The following KLF8 variants were observed in gnomAD, a reference collection of about 807,000 sequenced individuals.
KLF8 encodes the protein Krueppel-like factor 8.
A neutral mutation model predicts 18.2 loss-of-function variants in KLF8; 10 were observed. That is an observed-to-expected ratio of 0.55 (90% CI 0.34 to 0.93). The LOEUF (loss-of-function observed/expected upper bound fraction) is 0.93, where lower values mean the gene tolerates loss of function less well. KLF8 is among the 40% of genes least tolerant of loss of function. KLF8 has a pLI of 0.02. For missense variants in KLF8, 264 were observed against 277.9 expected (o/e 0.95, Z 0.36); for synonymous variants, 109 against 97.3 (o/e 1.12, Z -0.71).
At chrX:55,981,610 G>A in the KLF8 span, among the ~76,000 whole-genome samples, 1 of 111,894 alleles carries the variant, frequency 8.9e-6, no homozygotes, top group South Asian at 3.8e-4. Flanking sequence ...TTTCTAGTAA[G>A]GTAAACAAGG....
the KLF8 span, among the ~76,000 whole-genome samples, chrX:56,117,507 A>C: frequency 9.0e-6 from 1 of 111,517 alleles, no homozygotes. Flanking sequence ...TGGGGGAAAA[A>C]AAAACAGAAA....
At chrX:55,969,079 C>A in the KLF8 span, among the ~76,000 whole-genome samples, 1 of 111,873 alleles carries the variant, frequency 8.9e-6, no homozygotes, top group South Asian at 3.7e-4. Flanking sequence ...GAACATTGGA[C>A]TTAATCTGGA....
chrX:56,065,008 G>A, the KLF8 span, among the ~76,000 whole-genome samples: 4 of 111,278 alleles, frequency 3.6e-5, no homozygotes, highest in Non-Finnish European at 5.7e-5. Context: ...GTGCATTTTT[G>A]GGGGTTTTTA....
the KLF8 span, among the ~76,000 whole-genome samples, chrX:56,097,050 TC>T: frequency 9.0e-6 from 1 of 111,074 alleles, no homozygotes; most frequent in Non-Finnish European, 1.9e-5. Flanking sequence ...TGCAAAAATT[TC>T]CCCAAAATAT....
At chrX:56,066,707 C>A in the KLF8 span, among the ~76,000 whole-genome samples, 1 of 111,239 alleles carries the variant, frequency 9.0e-6, no homozygotes, top group African/African-American at 3.3e-5. Context: ...ATCAATTAGG[C>A]TCCAAGGATG....
chrX:56,203,689 T>G, the KLF8 span, among the ~76,000 whole-genome samples: 1 of 112,086 alleles, frequency 8.9e-6, no homozygotes, highest in East Asian at 2.8e-4. Context: ...GATGGTCCAT[T>G]CCCCAATGTA....
At chrX:55,941,821 C>T in the KLF8 span, among the ~76,000 whole-genome samples, 1 of 111,682 alleles carries the variant, frequency 9.0e-6, no homozygotes, top group Non-Finnish European at 1.9e-5. Context: ...AATGAAATAC[C>T]ATCTCACACC....
At chrX:56,228,295 T>C (rs2066381918), upstream of KLF8, among the ~76,000 whole-genome samples, 1 of 111,923 alleles carries the variant, frequency 8.9e-6, no homozygotes, top group African/African-American at 3.3e-5. Flanking sequence ...TGCCAGACAC[T>C]GTGCTTTGTA....
the KLF8 span, among the ~76,000 whole-genome samples, chrX:56,028,065 G>A: frequency 1.8e-5 from 2 of 112,321 alleles, no homozygotes; most frequent in African/African-American, 6.5e-5. Context: ...TAGCTGTTTT[G>A]AGAGGTAGGC....
the KLF8 span, among the ~76,000 whole-genome samples, chrX:56,100,163 C>T: frequency 1.8e-5 from 2 of 111,086 alleles, no homozygotes; most frequent in Non-Finnish European, 3.8e-5. Flanking sequence ...AACCCAAGGG[C>T]TCTTAAGAAT....
At chrX:56,060,880 T>G in the KLF8 span, among the ~76,000 whole-genome samples, 1 of 111,819 alleles carries the variant, frequency 8.9e-6, no homozygotes, top group Admixed American at 9.5e-5. Flanking sequence ...AACTTGTTAT[T>G]GGTGTATTCA....
chrX:56,269,138 A>C, intron 3 of KLF8: 1 of 969,049 alleles, frequency 1.0e-6, no homozygotes, highest in Non-Finnish European at 1.3e-6. Context: ...TCATAGTGGT[A>C]TCAGAACTCT....
At chrX:55,999,828 G>A in the KLF8 span, among the ~76,000 whole-genome samples, 2 of 111,632 alleles carry the variant, frequency 1.8e-5, no homozygotes, top group South Asian at 3.8e-4. Flanking sequence ...TTCCTATTTG[G>A]ATGCCTTTAT....
chrX:56,118,114 T>C, the KLF8 span, among the ~76,000 whole-genome samples: 747 of 111,541 alleles, frequency 6.7e-3, 4 homozygotes, highest in Non-Finnish European at 0.012. Flanking sequence ...GACTTAGGAT[T>C]TCAACATAAG....
the KLF8 span, among the ~76,000 whole-genome samples, chrX:56,050,989 T>C: frequency 1.8e-5 from 2 of 110,139 alleles, no homozygotes; most frequent in East Asian, 2.8e-4. Flanking sequence ...TAGTTAGCTG[T>C]TCTTGTTGAA....
the KLF8 span, among the ~76,000 whole-genome samples, chrX:56,084,420 C>A: frequency 1.8e-5 from 2 of 111,026 alleles, no homozygotes; most frequent in African/African-American, 6.5e-5. Flanking sequence ...AAAAGAAATT[C>A]TTTGCTCTCT....
the KLF8 span, among the ~76,000 whole-genome samples, chrX:56,058,365 G>T: frequency 1.7e-4 from 14 of 80,470 alleles, no homozygotes; most frequent in South Asian, 8.8e-3. Context: ...TATACTTTAA[G>T]TTCTGGGATA....
At chrX:56,135,924 T>G in the KLF8 span, among the ~76,000 whole-genome samples, 1 of 110,998 alleles carries the variant, frequency 9.0e-6, no homozygotes, top group South Asian at 3.8e-4. Flanking sequence ...GATTTTAAAT[T>G]AACAACCTAA....
At chrX:56,176,294 C>T in the KLF8 span, among the ~76,000 whole-genome samples, 1 of 111,735 alleles carries the variant, frequency 8.9e-6, no homozygotes, top group Admixed American at 9.6e-5. Flanking sequence ...TTAGGGCAGG[C>T]CCGGTGGTGA....
Sources: gnomAD v4.1 joint callset for allele counts (sites outside exome capture counted in the v4.1 genomes callset) on GRCh38, gnomAD v4.1.1 for gene constraint, MANE v1.5 for transcripts, NCBI Gene and HGNC (gene_info 2026-07-23, HGNC 2026-07-21) for gene names.